C8orf34: variants seen among roughly 807,000 people sequenced by gnomAD.
C8orf34 encodes chromosome 8 open reading frame 34.
In C8orf34, 65 loss-of-function variants were observed where a neutral mutation model predicts 68.3. The ratio of observed to expected loss-of-function variants is 0.95; its 90% confidence interval spans 0.78 to 1.17. The LOEUF (loss-of-function observed/expected upper bound fraction) is 1.17, where lower values mean the gene tolerates loss of function less well. C8orf34 is among the 50% of genes most tolerant of loss of function. The probability of loss-of-function intolerance (pLI) is 0.00; values close to 1 mark genes in which losing one functional copy is unlikely to be tolerated. For missense variants in C8orf34, 664 were observed against 655.4 expected, an observed-to-expected ratio of 1.01 and a Z score of -0.14; for synonymous variants, 244 against 241.2, an observed-to-expected ratio of 1.01 and a Z score of -0.11.
chr8:68,670,908 G>A (rs7832383), intron 8 of C8orf34, among the ~76,000 whole-genome samples: 5,578 of 152,198 alleles, frequency 0.037, 327 homozygotes, highest in African/African-American at 0.12. Context: ...TAAATTGTGT[G>A]ATTTAATTAT....
At chr8:68,377,280 C>T (rs1276611121) in intron 1 of C8orf34, among the ~76,000 whole-genome samples, 1 of 152,104 alleles carries the variant, frequency 6.6e-6, no homozygotes, top group Non-Finnish European at 1.5e-5. Context: ...CCTGTGGTGT[C>T]TCAGCTATTC....
intron 8 of C8orf34, among the ~76,000 whole-genome samples, chr8:68,692,085 C>G (rs1030270341): frequency 2.0e-5 from 3 of 151,868 alleles, no homozygotes; most frequent in Admixed American, 2.0e-4. Context: ...TATGAGAAAG[C>G]CCGGGGATGA....
intron 3 of C8orf34, among the ~76,000 whole-genome samples, chr8:68,463,768 A>G (rs1018201638): frequency 2.0e-5 from 3 of 152,216 alleles, no homozygotes; most frequent in African/African-American, 7.2e-5. Flanking sequence ...CTCTCAACAA[A>G]TTAGGTATTG....
chr8:68,475,156 T>A (rs1184529558), intron 4 of C8orf34, among the ~76,000 whole-genome samples: 1 of 152,198 alleles, frequency 6.6e-6, no homozygotes, highest in Non-Finnish European at 1.5e-5. Flanking sequence ...CACCATCAGC[T>A]CCTTCCACTG....
At chr8:68,532,104 G>T (rs1336599271) in intron 6 of C8orf34, among the ~76,000 whole-genome samples, 1 of 152,084 alleles carries the variant, frequency 6.6e-6, no homozygotes, top group South Asian at 2.1e-4. Flanking sequence ...GATGCTAGGA[G>T]AACTGAGTGG....
chr8:68,514,906 T>G (rs1434399334), intron 5 of C8orf34, among the ~76,000 whole-genome samples: 1 of 151,946 alleles, frequency 6.6e-6, no homozygotes, highest in Non-Finnish European at 1.5e-5. Flanking sequence ...GGGAGTGCAA[T>G]TTTATAGTAG....
At chr8:68,497,196 A>G (rs1300441518) in intron 5 of C8orf34, among the ~76,000 whole-genome samples, 1 of 152,248 alleles carries the variant, frequency 6.6e-6, no homozygotes, top group Non-Finnish European at 1.5e-5. Flanking sequence ...CCTAAATTCC[A>G]TATAAGCCAT....
intron 1 of C8orf34, among the ~76,000 whole-genome samples, chr8:68,416,723 G>A (rs1809685866): frequency 6.6e-6 from 1 of 151,828 alleles, no homozygotes. Flanking sequence ...TAGAGGTGGG[G>A]TTTCACCATG....
chr8:68,589,845 A>G (rs1817329342), intron 7 of C8orf34, among the ~76,000 whole-genome samples: 3 of 143,152 alleles, frequency 2.1e-5, no homozygotes, highest in Middle Eastern at 3.5e-3. Context: ...AAGTAAAAAG[A>G]AAAAGAGAGA....
At chr8:68,666,939 GATT>G (rs1186342063) in intron 8 of C8orf34, among the ~76,000 whole-genome samples, 1 of 151,976 alleles carries the variant, frequency 6.6e-6, no homozygotes, top group Non-Finnish European at 1.5e-5. Flanking sequence ...TTATGAAATG[GATT>G]ATTATATCAC....
chr8:68,438,528 T>C (rs908994427), intron 1 of C8orf34: 2 of 152,120 alleles, frequency 1.3e-5, no homozygotes, highest in Admixed American at 1.3e-4. Flanking sequence ...AATATCTGAT[T>C]TTTTGAGCAC....
chr8:68,573,413 C>T (rs994216427), intron 7 of C8orf34, among the ~76,000 whole-genome samples: 17 of 152,114 alleles, frequency 1.1e-4, no homozygotes, highest in African/African-American at 1.9e-4. Flanking sequence ...GAGAAATATA[C>T]GGAACCAACC....
chr8:68,659,766 A>G (rs1327076554), intron 8 of C8orf34, among the ~76,000 whole-genome samples: 1 of 152,060 alleles, frequency 6.6e-6, no homozygotes, highest in African/African-American at 2.4e-5. Context: ...CTTGATATTC[A>G]TGAACATTTC....
chr8:68,539,717 G>A (rs1432902776), intron 7 of C8orf34, among the ~76,000 whole-genome samples: 1 of 151,986 alleles, frequency 6.6e-6, no homozygotes, highest in South Asian at 2.1e-4. Flanking sequence ...AGCCAGGCAT[G>A]GTGGCACATG....
chr8:68,424,198 G>A (rs1270592255), intron 1 of C8orf34, among the ~76,000 whole-genome samples: 1 of 152,112 alleles, frequency 6.6e-6, no homozygotes, highest in Middle Eastern at 3.2e-3. Flanking sequence ...CAGATATTGA[G>A]TGGGAGTTCC....
At chr8:68,731,326 C>G (rs1190058184) in intron 10 of C8orf34, among the ~76,000 whole-genome samples, 1 of 152,004 alleles carries the variant, frequency 6.6e-6, no homozygotes, top group Non-Finnish European at 1.5e-5. Flanking sequence ...AAAAAGTGAC[C>G]ATATTTGTGT....
chr8:68,764,513 C>G (rs1823113760), intron 10 of C8orf34, among the ~76,000 whole-genome samples: 1 of 152,122 alleles, frequency 6.6e-6, no homozygotes. Flanking sequence ...GAAGACCACA[C>G]AAATATGTGG....
chr8:68,698,362 T>A (rs2130926344), intron 8 of C8orf34, among the ~76,000 whole-genome samples: 1 of 152,234 alleles, frequency 6.6e-6, no homozygotes, highest in Admixed American at 6.5e-5. Flanking sequence ...AGAAGGGAAC[T>A]TAAACCGTCT....
At chr8:68,561,533 G>T (rs536813567) in intron 7 of C8orf34, among the ~76,000 whole-genome samples, 165 of 152,292 alleles carry the variant, frequency 1.1e-3, no homozygotes, top group African/African-American at 3.7e-3. Flanking sequence ...AACATGGGGG[G>T]ATCTCCTGAG....
Sources: gnomAD v4.1 joint callset for allele counts (sites outside exome capture counted in the v4.1 genomes callset) on GRCh38, gnomAD v4.1.1 for gene constraint, MANE v1.5 for transcripts, NCBI Gene and HGNC (gene_info 2026-07-23, HGNC 2026-07-21) for gene names.